Variants in TTC7A observed in about 807,000 individuals in gnomAD.
The protein encoded by TTC7A is tetratricopeptide repeat protein 7A.
TTC7A carries 110 observed loss-of-function variants against 103.7 expected under a neutral mutation model. That is an observed-to-expected ratio of 1.06 (90% CI 0.91 to 1.24). The LOEUF (loss-of-function observed/expected upper bound fraction) is 1.24. Ranked by LOEUF, TTC7A falls within the 50% of genes most tolerant of loss-of-function variation. The pLI, the probability that TTC7A is intolerant of heterozygous loss-of-function variation, is 0.00. For missense variants in TTC7A, 1,340 were observed against 1,116.3 expected (o/e 1.20, Z -2.86); for synonymous variants, 521 against 467.9 (o/e 1.11, Z -1.47).
At chr2:47,049,379 T>A (rs1305107885) in intron 16 of TTC7A, among the ~76,000 whole-genome samples, 1 of 151,476 alleles carries the variant, frequency 6.6e-6, no homozygotes, top group Non-Finnish European at 1.5e-5. Flanking sequence ...GCAGCAGGGA[T>A]CTGGGAAATT....
chr2:46,922,468 T>C (rs1489864192), intron 2 of TTC7A, among the ~76,000 whole-genome samples: 1 of 152,156 alleles, frequency 6.6e-6, no homozygotes, highest in South Asian at 2.1e-4. Context: ...CTGGTTTATA[T>C]AGGTAGTATT....
intron 1 of TTC7A, among the ~76,000 whole-genome samples, chr2:46,945,042 T>G (rs1670814182): frequency 6.6e-6 from 1 of 152,236 alleles, no homozygotes; most frequent in African/African-American, 2.4e-5. Context: ...TCAAAAAAAT[T>G]TGCAGTGAAC....
At chr2:46,980,214 C>G (rs899438945) in intron 5 of TTC7A, among the ~76,000 whole-genome samples, 1 of 138,320 alleles carries the variant, frequency 7.2e-6, no homozygotes, top group African/African-American at 2.6e-5. Flanking sequence ...TATACTCTCT[C>G]TCTTTTTTTT....
intron 6 of TTC7A, 40 bp downstream of exon 6, chr2:46,993,568 C>T: frequency 6.3e-7 from 1 of 1,595,126 alleles, no homozygotes. Flanking sequence ...ATTTAGGAGT[C>T]AGCTTTGGTG....
chr2:47,045,096 A>G (rs1253501437), intron 15 of TTC7A, among the ~76,000 whole-genome samples: 1 of 152,200 alleles, frequency 6.6e-6, no homozygotes, highest in Non-Finnish European at 1.5e-5. Context: ...GGTCTTGCTC[A>G]TCAGTGATAC....
intron 10 of TTC7A, among the ~76,000 whole-genome samples, chr2:47,009,409 C>T (rs192454773): frequency 2.6e-5 from 4 of 152,184 alleles, no homozygotes; most frequent in East Asian, 1.9e-4. Flanking sequence ...CCTGAGTGAC[C>T]GCACAACGCC....
At position 46,994,408 on chromosome 2, in the gene TTC7A, T is replaced by A. The variant is rs1198449310; in HGVS notation, c.895T>A (p.Cys299Ser). The A allele has an allele frequency of 3.1e-6, 5 of 1,613,526 alleles. No homozygotes were observed. Among genetic ancestry groups the A allele is most frequent in the Non-Finnish European group, 4.2e-6 (5 of 1,179,828 alleles). Residue 299 changes from cysteine to serine, a missense_variant, in exon 7 of 20, where the codon TGC becomes AGC. Cys to Ser is a moderately radical substitution (Grantham distance 112). Coordinates refer to ENST00000319190, the MANE Select transcript of TTC7A (RefSeq NM_020458.4). ...GVLLHSLSEE[C>S]YWSPLSHPLP... ...CCTGCTGCACTCCCTGAGTGAGGAG[T>A]GCTACTGGAGCCCCCTGTCCCACCC...
At chr2:47,029,036 AGT>A (rs1281872945) in intron 14 of TTC7A, among the ~76,000 whole-genome samples, 186 bp from the exon 15 acceptor site, 2 of 151,998 alleles carry the variant, frequency 1.3e-5, no homozygotes, top group East Asian at 1.9e-4. Flanking sequence ...TTCATTCCTG[AGT>A]GTGGCAGCAG....
chr2:46,992,181 G>A (rs967383206), intron 5 of TTC7A, among the ~76,000 whole-genome samples: 1 of 152,230 alleles, frequency 6.6e-6, no homozygotes, highest in African/African-American at 2.4e-5. Context: ...GAGTGGATGA[G>A]CAGGGCAGCC....
At chr2:47,048,482 A>G (rs188088920) in intron 16 of TTC7A, among the ~76,000 whole-genome samples, 14 of 152,318 alleles carry the variant, frequency 9.2e-5, no homozygotes, top group Admixed American at 7.8e-4. Context: ...GGACATTCTC[A>G]TGACCATTTT....
intron 3 of TTC7A, among the ~76,000 whole-genome samples, chr2:46,968,627 C>A (rs1240061824): frequency 6.6e-6 from 1 of 152,134 alleles, no homozygotes; most frequent in East Asian, 1.9e-4. Flanking sequence ...CTTTTTGGCC[C>A]TGTGTATATT....
intron 18 of TTC7A, chr2:47,054,266 GTTTACA>G: frequency 3.1e-6 from 2 of 654,496 alleles, no homozygotes; most frequent in East Asian, 2.8e-4. Flanking sequence ...ACAGTTTACA[GTTTACA>G]GATGACAGCC....
intron 18 of TTC7A, among the ~76,000 whole-genome samples, chr2:47,054,695 C>T (rs1464021407): frequency 6.6e-6 from 1 of 152,012 alleles, no homozygotes; most frequent in Non-Finnish European, 1.5e-5. Flanking sequence ...ATTATCTGGG[C>T]ATGGTGGTGC....
At chr2:47,064,716 C>T (rs1360167130) in intron 19 of TTC7A, among the ~76,000 whole-genome samples, 1 of 152,112 alleles carries the variant, frequency 6.6e-6, no homozygotes, top group Non-Finnish European at 1.5e-5. Context: ...TGAGAGCCCT[C>T]CCAGGAAGGG....
At chr2:47,010,583 G>A (rs540153169) in intron 10 of TTC7A, among the ~76,000 whole-genome samples, 2 of 151,144 alleles carry the variant, frequency 1.3e-5, no homozygotes, top group South Asian at 4.2e-4. Flanking sequence ...TCAGATTACT[G>A]TCTGGAGGTT....
intron 15 of TTC7A, chr2:47,035,587 C>G (rs990751452): frequency 6.6e-6 from 1 of 152,272 alleles, no homozygotes. Context: ...TGCCTACATT[C>G]AGACTTCTAG....
chr2:46,999,781 G>A (rs1676605003), intron 8 of TTC7A: 5 of 985,458 alleles, frequency 5.1e-6, no homozygotes, highest in Non-Finnish European at 6.0e-6. Context: ...ATAAAAATAT[G>A]TGCTAAAGTA....
chr2:47,002,941 CT>C (rs1345934816), intron 8 of TTC7A, among the ~76,000 whole-genome samples: 4 of 152,190 alleles, frequency 2.6e-5, no homozygotes, highest in Non-Finnish European at 4.4e-5. Flanking sequence ...GCCTTCCTGG[CT>C]GCCTGCCTAT....
chr2:47,025,092 C>T (rs1253128533), intron 14 of TTC7A, among the ~76,000 whole-genome samples: 8 of 152,228 alleles, frequency 5.3e-5, no homozygotes, highest in Non-Finnish European at 8.8e-5. Flanking sequence ...TGCAGACAAG[C>T]CTTTGGCTCT....
Sources: gnomAD v4.1 joint callset for allele counts (sites outside exome capture counted in the v4.1 genomes callset) on GRCh38, gnomAD v4.1.1 for gene constraint, MANE v1.5 for transcripts, NCBI Gene and HGNC (gene_info 2026-07-23, HGNC 2026-07-21) for gene names.